AGXT: variants seen among roughly 807,000 people sequenced by gnomAD.
The protein encoded by AGXT is L-alanine: glyoxylate aminotransferase 1.
A neutral mutation model predicts 46.9 loss-of-function variants in AGXT; 41 were observed. The ratio of observed to expected loss-of-function variants is 0.88; its 90% confidence interval spans 0.68 to 1.14. The LOEUF (loss-of-function observed/expected upper bound fraction) is 1.14, where lower values mean the gene tolerates loss of function less well. Among genes scored for constraint, AGXT ranks in the 50% most tolerant of loss-of-function variants. The pLI is 0.00. For synonymous variants in AGXT, 244 were observed against 227.9 expected, an observed-to-expected ratio of 1.07 and a Z score of -0.64; for missense variants, 525 against 522.7, an observed-to-expected ratio of 1.00 and a Z score of -0.04.
In AGXT at chr2:240,877,605, G is replaced by A; in HGVS notation, c.915G>A (p.Leu305=). ...AAYLHGRLQA[L]GLQLFVKDPA... is the part of the protein sequence containing the mutation. ...ATCTGCATGGGCGCCTGCAGGCACT[G>A]GGGCTGCAGCTCTTCGTGAAGGACC... is the stretch of plus-strand genomic sequence containing the variant. The change falls in exon 9 of 11, where the codon CTG becomes CTA. Residue 305 remains leucine (L), a synonymous_variant. Transcript: ENST00000307503. 1 of 1,550,952 alleles carries A rather than the reference G, an allele frequency of 6.4e-7. No individual in the cohort carries two copies. Among genetic ancestry groups the A allele is most frequent in the South Asian group, 1.2e-5 (1 of 84,082 alleles).
chr2:240,872,322 T>TGGA (rs775174098), intron 4 of AGXT, among the ~76,000 whole-genome samples: 1 of 58,782 alleles, frequency 1.7e-5, no homozygotes, highest in Non-Finnish European at 3.8e-5. Context: ...TTCGTGAACA[T>TGGA]GGAGGAGGAG....
intron 7 of AGXT, 68 bp downstream of exon 7, chr2:240,875,272 T>C: frequency 7.6e-7 from 1 of 1,323,466 alleles, no homozygotes; most frequent in East Asian, 2.3e-5. Context: ...CGCTGGCCTC[T>C]CACTGCACTC....
In AGXT at chr2:240,879,082, C is replaced by T. The variant is rs1291695838; in HGVS notation, c.*261C>T. The T allele has an allele frequency of 1.2e-5, 7 of 575,964 alleles. No homozygotes were observed. Among genetic ancestry groups the T allele is most frequent in the Admixed American group, 3.0e-5 (1 of 33,230 alleles). The allele number at this position is 575,964 out of a possible 1,614,324, so 35.7% of individuals were successfully genotyped here. ...TGCAGTCCCCAGGCCATGAGCCTCCCGGGAATGTTTAATAAAGGGCCTGGC... is the reference window on the plus strand; with the variant it reads ...TGCAGTCCCCAGGCCATGAGCCTCCTGGGAATGTTTAATAAAGGGCCTGGC... On this transcript the variant is annotated 3_prime_UTR_variant, in exon 11 of 11. Coordinates refer to ENST00000307503, the MANE Select transcript of AGXT (RefSeq NM_000030.3).
At chr2:240,874,973 C>A in intron 6 of AGXT, 136 bp from the exon 7 acceptor site, 1 of 736,568 alleles carries the variant, frequency 1.4e-6, no homozygotes, top group Non-Finnish European at 2.4e-6. Context: ...GGCCCCTGAG[C>A]ACAAATGCAG....
intron 8 of AGXT, 38 bp downstream of exon 8, chr2:240,876,042 C>T (rs2059023156): frequency 6.2e-7 from 1 of 1,607,966 alleles, no homozygotes; most frequent in Non-Finnish European, 8.5e-7. Flanking sequence ...GACAGGGCCA[C>T]TGGCTGGATT....
intron 2 of AGXT, 146 bp from the exon 3 acceptor site, chr2:240,870,498 A>G (rs1575707998): frequency 1.1e-6 from 1 of 897,424 alleles, no homozygotes; most frequent in African/African-American, 1.7e-5. Context: ...GGCAGAGTCC[A>G]CCCTCCTCTT....
chr2:240,869,991 T>C (rs2058983086), intron 2 of AGXT, among the ~76,000 whole-genome samples: 1 of 152,124 alleles, frequency 6.6e-6, no homozygotes. Context: ...CCACAAACTT[T>C]TCAAGGGGAC....
chr2:240,870,602 G>C (rs1163336120), intron 2 of AGXT, 42 bp from the exon 3 acceptor site: 1 of 1,548,628 alleles, frequency 6.5e-7, no homozygotes, highest in African/African-American at 1.4e-5. Flanking sequence ...GGCTTCTACA[G>C]TGTGTGCGGG....
chr2:240,870,977 G>A (rs906846763), intron 3 of AGXT, among the ~76,000 whole-genome samples: 1 of 152,140 alleles, frequency 6.6e-6, no homozygotes, highest in Non-Finnish European at 1.5e-5. Context: ...AGAGGCTGGA[G>A]GCAGGAGGCC....
chr2:240,872,354 T>C (rs2058996057), intron 4 of AGXT, among the ~76,000 whole-genome samples: 1 of 131,582 alleles, frequency 7.6e-6, no homozygotes, highest in Non-Finnish European at 1.6e-5. Context: ...TTCGTGAACA[T>C]GCAGGCGGAG....
At chr2:240,871,318 G>A in intron 3 of AGXT, 31 bp from the exon 4 acceptor site, 1 of 1,547,594 alleles carries the variant, frequency 6.5e-7, no homozygotes, top group Non-Finnish European at 8.7e-7. Context: ...GCCCCTCTGA[G>A]CTCCACCCAC....
At position 240,870,659 on chromosome 2, in the gene AGXT, C is replaced by G. The variant is rs575985084; in HGVS notation, c.374C>G (p.Pro125Arg). ...IGERIGARVH[P>R]MTKDPGGHYT... ...CTGCACCCAGGAGCCCGAGTGCACC[C>G]GATGACCAAGGACCCTGGAGGCCAC... The change falls in exon 3 of 11, where the codon CCG (proline) becomes CGG (arginine). Residue 125 changes from proline (P) to arginine (R), a missense_variant. By Grantham distance (103) the Pro-to-Arg change is moderately radical. Coordinates refer to ENST00000307503, the MANE Select transcript of AGXT (RefSeq NM_000030.3). 2.6e-6 allele frequency: 4 copies of G among 1,553,988 alleles called. No homozygotes were observed. The highest frequency in any genetic ancestry group is 3.9e-5 in the Admixed American group (2 of 51,382).
intron 8 of AGXT, chr2:240,877,158 T>A: frequency 2.3e-6 from 1 of 430,030 alleles, no homozygotes; most frequent in Admixed American, 2.7e-5. Flanking sequence ...GAGCTGGCCC[T>A]GAGAGGAGAG....
In AGXT at chr2:240,878,821, A is replaced by G; in HGVS notation, c.1179A>G (p.Ter393TrpextTer39). ...ALQHCPKKKL[*>W] ...AGCACTGCCCCAAGAAGAAGCTGTG[A>G]CCTGCCCACTGGCACACAGCTGGCA... Residue 393 changes from the stop codon to tryptophan, a stop_lost, in exon 11 of 11, where the codon TGA becomes TGG. Coordinates refer to ENST00000307503, the MANE Select transcript of AGXT (RefSeq NM_000030.3). 1 of 1,586,736 alleles carries G rather than the reference A, an allele frequency of 6.3e-7. No individual in the cohort carries two copies. The highest frequency in any genetic ancestry group is 8.6e-7 in the Non-Finnish European group (1 of 1,169,436).
In AGXT at chr2:240,875,919, C is replaced by T; in HGVS notation, c.777-16C>T. The stretch of plus-strand genomic sequence containing the variant: ...CCTGCCCATGGTGCTGGACCAAGCC[C>T]CCTCGTGTCTTCCAGGTACCATCAC... On this transcript the variant is annotated splice_polypyrimidine_tract_variant and intron_variant, in intron 7 of 10. Transcript: ENST00000307503. 1 of 1,614,146 alleles carries T rather than the reference C, an allele frequency of 6.2e-7. No homozygotes were observed. The highest frequency in any genetic ancestry group is 8.5e-7 in the Non-Finnish European group (1 of 1,179,976).
At chr2:240,877,708 A>G in intron 9 of AGXT, 76 bp downstream of exon 9, 1 of 1,455,870 alleles carries the variant, frequency 6.9e-7, no homozygotes, top group Non-Finnish European at 9.4e-7. Flanking sequence ...CCCCCTCAAG[A>G]GGGACACTGG....
rs965667104 is a variant in AGXT at position 240,880,342 on chromosome 2, T to C, written c.*1521T>C. ...CTGTCTGATTTGGTTTTAGTTTGCATTTCCCTGATGCCTATTGATGTTGAG... is the reference window on the plus strand; with the variant it reads ...CTGTCTGATTTGGTTTTAGTTTGCACTTCCCTGATGCCTATTGATGTTGAG... On this transcript the variant is annotated 3_prime_UTR_variant, in exon 11 of 11. Coordinates refer to ENST00000307503, the MANE Select transcript of AGXT (RefSeq NM_000030.3). The C allele has an allele frequency of 6.6e-6, 1 of 152,184 alleles. No homozygotes were observed. The highest frequency in any genetic ancestry group is 1.5e-5 in the Non-Finnish European group (1 of 68,026). 9.4% of individuals were successfully genotyped at this position (152,184 alleles called of 1,614,324 possible). A position where few individuals can be genotyped will look rare whatever the true frequency, so the allele number is the denominator to read the frequency against.
chr2:240,873,048 A>C lies in AGXT; in HGVS notation c.594A>C (p.Gln198His). ...LGGTPLYMDR[Q>H]GIDILYSGSQ... ...GGACCCCCCTTTACATGGACCGGCA[A>C]GGTAAGGGTGGGCTCTGAGAGCCCT... Residue 198 changes from glutamine to histidine, a missense_variant and splice_region_variant, in exon 5 of 11, where the codon CAA (glutamine) becomes CAC (histidine). Physicochemically the swap from Gln to His is conservative, Grantham distance 24 (BLOSUM62 0). Transcript: ENST00000307503. 6.2e-7 allele frequency: 1 copy of C among 1,613,566 alleles called. No individual in the cohort carries two copies. Among genetic ancestry groups the C allele is most frequent in the Non-Finnish European group, 8.5e-7 (1 of 1,179,808 alleles).
In AGXT at chr2:240,879,951, C is replaced by T. The variant is rs944418036; in HGVS notation, c.*1130C>T. The T allele has an allele frequency of 2.0e-5, 3 of 151,482 alleles. No homozygotes were observed. Among genetic ancestry groups the T allele is most frequent in the Admixed American group, 6.6e-5 (1 of 15,238 alleles). 9.4% of individuals were successfully genotyped at this position (151,482 alleles called of 1,614,324 possible). A position where few individuals can be genotyped will look rare whatever the true frequency, so the allele number is the denominator to read the frequency against. ...GCTGAGTGCCGTCCCGTCATATGGA[C>T]GTGCGTCGTGGGCGCCGGTGTGTCT... On this transcript the variant is annotated 3_prime_UTR_variant, in exon 11 of 11. Transcript: ENST00000307503.
Sources: gnomAD v4.1 joint callset for allele counts (sites outside exome capture counted in the v4.1 genomes callset) on GRCh38, gnomAD v4.1.1 for gene constraint, MANE v1.5 for transcripts, NCBI Gene and HGNC (gene_info 2026-07-23, HGNC 2026-07-21) for gene names.